Variants in AKAP11 observed in about 807,000 individuals in gnomAD.
AKAP11 encodes the protein A-kinase anchoring protein 11, also known as A-kinase anchor protein 11.
Under a neutral mutation model 146.1 loss-of-function variants are expected in AKAP11, and 36 were observed. The observed-to-expected ratio is 0.25, with a 90% confidence interval of 0.19 to 0.33. The LOEUF is 0.33. Ranked by LOEUF, AKAP11 falls within the 10% of genes least tolerant of loss-of-function variation. The probability of loss-of-function intolerance (pLI) is 1.00; values close to 1 mark genes in which losing one functional copy is unlikely to be tolerated. For synonymous variants in AKAP11, 780 were observed against 786.5 expected, an observed-to-expected ratio of 0.99 and a Z score of 0.14; for missense variants, 2,201 against 2,197.0, an observed-to-expected ratio of 1.00 and a Z score of -0.04.
chr13:42,275,342 A>T (rs1388248350), intron 1 of AKAP11, among the ~76,000 whole-genome samples: 3 of 152,270 alleles, frequency 2.0e-5, no homozygotes, highest in African/African-American at 4.8e-5. Context: ...CTCAGCAAAC[A>T]TCTCCAAGTC....
chr13:42,302,472 G>A lies in AKAP11; in HGVS notation c.3726G>A (p.Ser1242=), dbSNP rs149090364. ...CLNVQSQRSV[S]PTFLNPSDEN... is the part of the protein sequence containing the mutation. Reference sequence around the variant, plus strand: ...ATGTGCAAAGTCAAAGAAGTGTGTCGCCTACTTTTTTAAACCCCTCAGACG... The same window carrying A: ...ATGTGCAAAGTCAAAGAAGTGTGTCACCTACTTTTTTAAACCCCTCAGACG... Residue 1242 remains serine (S), a synonymous_variant, in exon 8 of 13, where the codon TCG becomes TCA. Transcript: ENST00000025301. 8.4e-5 allele frequency: 135 copies of A among 1,614,122 alleles called. No homozygotes were observed. The African/African-American group carries it at 1.6e-3, about 19-fold the overall frequency.
rs775298418 is a variant in AKAP11 at position 42,302,124 on chromosome 13, A to G, written c.3378A>G (p.Gly1126=). ...DIKKLTKKLK[G]ELAKEFAPAT... ...AGAAGTTAACTAAAAAGCTCAAGGGAGAATTAGCCAAAGAGTTTGCACCTG... is the reference window on the plus strand; with the variant it reads ...AGAAGTTAACTAAAAAGCTCAAGGGGGAATTAGCCAAAGAGTTTGCACCTG... The change falls in exon 8 of 13, where the codon GGA becomes GGG. Residue 1126 remains glycine, a synonymous_variant. Coordinates refer to ENST00000025301, the MANE Select transcript of AKAP11 (RefSeq NM_016248.4). The G allele has an allele frequency of 3.3e-5, 53 of 1,614,094 alleles. No individual in the cohort carries two copies. Among genetic ancestry groups the G allele is most frequent in the Non-Finnish European group, 4.5e-5 (53 of 1,180,036 alleles).
In AKAP11 at chr13:42,294,444, C is replaced by G. The variant is rs561716020; in HGVS notation, c.169-1251C>G. Among the ~76,000 whole-genome samples the G allele has an allele frequency of 3.0e-3, 461 of 151,944 alleles. 1 individual carries two copies. Among genetic ancestry groups the G allele is most frequent in the African/African-American group, 0.01 (428 of 41,430 alleles). The stretch of plus-strand genomic sequence containing the variant: ...TTGAGACATAGTCTTGCCCTGCTGC[C>G]CAGGCTGGAGTGCAGTGGCGTGATT... On this transcript the variant is annotated intron_variant, in intron 4 of 12. Coordinates refer to ENST00000025301, the MANE Select transcript of AKAP11 (RefSeq NM_016248.4).
chr13:42,301,352 C>T lies in AKAP11; in HGVS notation c.2606C>T (p.Pro869Leu), dbSNP rs1566276050. 6.2e-7 allele frequency: 1 copy of T among 1,613,860 alleles called. No homozygotes were observed. Among genetic ancestry groups the T allele is most frequent in the East Asian group, 2.2e-5 (1 of 44,862 alleles). ...AGTTCCTCAAAATTACCAAATGATC[C>T]TGCAATTATTAGCAACTTTTCTGCA... ...MQSSSKLPNDPAIISNFSAAV... is the reference protein window; with the variant it reads ...MQSSSKLPNDLAIISNFSAAV... Residue 869 changes from proline (P) to leucine (L), a missense_variant, in exon 8 of 13, where the codon CCT becomes CTT. By Grantham distance (98) the Pro-to-Leu change is moderately conservative. Transcript: ENST00000025301.
Position 42,295,734 on chromosome 13 carries a change from C to T in AKAP11, c.208C>T (p.His70Tyr). 1 of 1,610,068 alleles carries T rather than the reference C, an allele frequency of 6.2e-7. No homozygotes were observed. The highest frequency in any genetic ancestry group is 1.1e-5 in the South Asian group (1 of 89,644). The change falls in exon 5 of 13, where the codon CAT becomes TAT. Residue 70 changes from histidine to tyrosine, a missense_variant. Physicochemically the swap from His to Tyr is moderately conservative, Grantham distance 83. Transcript: ENST00000025301. ...TTTTAATGAAGAGACAGATGCTGCT[C>T]ATATACAGGTATGGTGAATTTTAGC... ...LGFNEETDAAHIQDLAAVSLE... is the reference protein window; with the variant it reads ...LGFNEETDAAYIQDLAAVSLE...
At chr13:42,312,482 A>C (rs1249019821) in intron 9 of AKAP11, among the ~76,000 whole-genome samples, 2 of 152,200 alleles carry the variant, frequency 1.3e-5, no homozygotes, top group African/African-American at 2.4e-5. Flanking sequence ...TATGAAATGA[A>C]GATAATTGAC....
intron 1 of AKAP11, among the ~76,000 whole-genome samples, chr13:42,275,168 A>G (rs1305155568): frequency 6.6e-6 from 1 of 152,244 alleles, no homozygotes; most frequent in Admixed American, 6.5e-5. Flanking sequence ...CTCTGGAAGC[A>G]CATGGTCTTA....
chr13:42,278,237 A>C (rs1156953645), intron 1 of AKAP11, among the ~76,000 whole-genome samples: 2 of 152,212 alleles, frequency 1.3e-5, no homozygotes, highest in African/African-American at 4.8e-5. Flanking sequence ...AACTATAAAG[A>C]AGCAAATATC....
At chr13:42,318,633 T>C (rs139332874) in intron 12 of AKAP11, among the ~76,000 whole-genome samples, 1 of 152,338 alleles carries the variant, frequency 6.6e-6, no homozygotes, top group East Asian at 1.9e-4. Context: ...CATGTTTCCA[T>C]TGAGGCTAGA....
intron 11 of AKAP11, 102 bp from the exon 12 acceptor site, chr13:42,317,426 A>T: frequency 8.1e-7 from 1 of 1,232,040 alleles, no homozygotes; most frequent in East Asian, 2.5e-5. Flanking sequence ...ACCATTCATT[A>T]GAATCCTAAG....
chr13:42,309,109 G>A (rs1171663815), intron 9 of AKAP11, among the ~76,000 whole-genome samples: 4 of 151,968 alleles, frequency 2.6e-5, no homozygotes, highest in African/African-American at 7.3e-5. Context: ...TTGAAAATAC[G>A]TAAGTCAAAG....
chr13:42,301,343 C>A lies in AKAP11; in HGVS notation c.2597C>A (p.Pro866Gln). The change falls in exon 8 of 13, where the codon CCA becomes CAA. Residue 866 changes from proline to glutamine, a missense_variant. Transcript: ENST00000025301. ...GAAATGCAGAGTTCCTCAAAATTAC[C>A]AAATGATCCTGCAATTATTAGCAAC... is the stretch of plus-strand genomic sequence containing the variant. ...DIEMQSSSKL[P>Q]NDPAIISNFS... is the part of the protein sequence containing the mutation. 1.2e-6 allele frequency: 2 copies of A among 1,613,840 alleles called. No homozygotes were observed. The highest frequency in any genetic ancestry group is 8.5e-7 in the Non-Finnish European group (1 of 1,179,924).
chr13:42,289,597 C>T (rs1959190668), intron 3 of AKAP11, among the ~76,000 whole-genome samples: 2 of 151,976 alleles, frequency 1.3e-5, no homozygotes, highest in South Asian at 4.1e-4. Context: ...GGGTTGTATC[C>T]TTTTGGTACA....
chr13:42,306,292 ACTC>A (rs1348994165), intron 8 of AKAP11, among the ~76,000 whole-genome samples: 1 of 151,582 alleles, frequency 6.6e-6, no homozygotes, highest in Non-Finnish European at 1.5e-5. Flanking sequence ...TTTACTTTTT[ACTC>A]CTCCTCAGTT....
intron 1 of AKAP11, among the ~76,000 whole-genome samples, chr13:42,276,521 C>G (rs536091479): frequency 2.0e-5 from 3 of 152,284 alleles, no homozygotes; most frequent in African/African-American, 7.2e-5. Flanking sequence ...GCTGGGATTA[C>G]AGGTATGCGC....
At position 42,313,896 on chromosome 13, in the gene AKAP11, A is replaced by G. The variant is rs1338606364; in HGVS notation, c.5360A>G (p.Asp1787Gly). The change falls in exon 11 of 13, where the codon GAT becomes GGT. Residue 1787 changes from aspartate (D) to glycine (G), a missense_variant and splice_region_variant. Physicochemically the swap from Asp to Gly is moderately conservative, Grantham distance 94. Around this residue, in one of 3 missense-constraint regions of AKAP11, gnomAD observed 1,867 missense variants for 1,833.5 expected, o/e 1.02. Transcript: ENST00000025301. ...GCTTCTGCTATTTTATTCATAAGTG[A>G]TGGACCAGATGATAAAGATGAAGAG... Reference protein sequence around the residue: ...DNLSFPTSDSDGPDDKDEEHE... With the variant: ...DNLSFPTSDSGGPDDKDEEHE... 14 of 1,613,180 alleles carry G rather than the reference A, an allele frequency of 8.7e-6. No homozygotes were observed. Among genetic ancestry groups the G allele is most frequent in the Non-Finnish European group, 1.2e-5 (14 of 1,179,444 alleles).
At chr13:42,308,337 C>A (rs577041739) in intron 8 of AKAP11, 117 bp from the exon 9 acceptor site, 15 of 835,992 alleles carry the variant, frequency 1.8e-5, no homozygotes, top group Non-Finnish European at 9.0e-6. Flanking sequence ...AGCCACTGGT[C>A]TGATTCCGAA....
chr13:42,288,154 T>A (rs1959180537), intron 3 of AKAP11, among the ~76,000 whole-genome samples: 1 of 152,234 alleles, frequency 6.6e-6, no homozygotes. Flanking sequence ...CTGTGGAAAT[T>A]GAAAGATATA....
chr13:42,297,226 T>G, intron 6 of AKAP11, 44 bp downstream of exon 6: 1 of 1,335,546 alleles, frequency 7.5e-7, no homozygotes, highest in Non-Finnish European at 1.0e-6. Flanking sequence ...TAGGGCAAAT[T>G]TTACTATATT....
Sources: allele counts gnomAD v4.1 joint callset (sites outside exome capture counted in the v4.1 genomes callset), GRCh38; gene constraint gnomAD v4.1.1; regional missense constraint gnomAD v4.1.1; transcripts MANE v1.5; gene names NCBI Gene and HGNC (gene_info 2026-07-23, HGNC 2026-07-21).